Variants in DAB1 observed in about 807,000 individuals in gnomAD.
The protein encoded by DAB1 is DAB adaptor protein 1.
DAB1 carries 15 observed loss-of-function variants against 64.6 expected under a neutral mutation model. The ratio of observed to expected loss-of-function variants is 0.23; its 90% confidence interval spans 0.16 to 0.36. The LOEUF is 0.36. Among genes scored for constraint, DAB1 ranks in the 10% least tolerant of loss-of-function variants. DAB1 has a pLI of 1.00. For missense variants in DAB1, 596 were observed against 706.7 expected, an observed-to-expected ratio of 0.84 and a Z score of 1.78; for synonymous variants, 235 against 251.9, an observed-to-expected ratio of 0.93 and a Z score of 0.64.
chr1:57,224,360 C>T (rs1667104266), intron 2 of DAB1, among the ~76,000 whole-genome samples: 1 of 152,178 alleles, frequency 6.6e-6, no homozygotes, highest in South Asian at 2.1e-4. Context: ...TATGGCCATC[C>T]TTGACTGTAG....
exon 3 of DAB1, chr1:58,506,177 A>G: frequency 2.3e-6 from 2 of 872,160 alleles, no homozygotes; most frequent in Non-Finnish European, 2.0e-6. Context: ...TTTGCTGCCA[A>G]AACACTGAAC....
At chr1:57,651,519 G>A (rs1646255963) in intron 6 of DAB1, among the ~76,000 whole-genome samples, 2 of 152,106 alleles carry the variant, frequency 1.3e-5, no homozygotes, top group African/African-American at 4.8e-5. Flanking sequence ...ATATTTTTCT[G>A]GAGGTAGACC....
chr1:57,979,827 C>T (rs1011221223), intron 5 of DAB1, among the ~76,000 whole-genome samples: 1 of 152,204 alleles, frequency 6.6e-6, no homozygotes, highest in African/African-American at 2.4e-5. Context: ...TTTGATTCCC[C>T]TAATTCCTTC....
chr1:57,268,486 C>T (rs1670751532), intron 2 of DAB1, among the ~76,000 whole-genome samples: 1 of 152,166 alleles, frequency 6.6e-6, no homozygotes, highest in Non-Finnish European at 1.5e-5. Context: ...AGTCTCAATT[C>T]ATCCAACCCA....
intron 2 of DAB1, among the ~76,000 whole-genome samples, chr1:57,233,252 A>ATTTTTTTT (rs1667824189): frequency 3.5e-5 from 2 of 56,886 alleles, no homozygotes; most frequent in Non-Finnish European, 7.2e-5. Context: ...CTTTGCTCCG[A>ATTTTTTTT]TTCTTTTTTT....
chr1:57,561,680 G>A (rs1645053990), intron 7 of DAB1, among the ~76,000 whole-genome samples: 1 of 152,142 alleles, frequency 6.6e-6, no homozygotes, highest in Non-Finnish European at 1.5e-5. Flanking sequence ...TCACACCAAG[G>A]GACAATGAAC....
At chr1:57,026,236 T>C (rs1646782778) in intron 9 of DAB1, among the ~76,000 whole-genome samples, 193 bp from the exon 10 acceptor site, 1 of 152,212 alleles carries the variant, frequency 6.6e-6, no homozygotes. Context: ...GAATCAATTC[T>C]TGCTTCCTTG....
At chr1:58,041,171 T>C (rs139595874) in intron 5 of DAB1, among the ~76,000 whole-genome samples, 1,790 of 152,344 alleles carry the variant, frequency 0.012, 19 homozygotes, top group Non-Finnish European at 0.019. Context: ...AAAGTCTTCC[T>C]ATTGAGCAGA....
chr1:57,840,237 G>T (rs1652988985), intron 1 of DAB1, among the ~76,000 whole-genome samples: 1 of 152,156 alleles, frequency 6.6e-6, no homozygotes. Context: ...AACAATTAAG[G>T]TATATCTAAT....
In DAB1 at chr1:57,256,783, G is replaced by A. The variant is rs187353546; in HGVS notation, c.67+34181C>T. ...GCTAGCCTGTTTCTTCCTGACATGG[G>A]ACAAGCCTTGGCTTTCTCCAGAAGC... On this transcript the variant is annotated intron_variant, in intron 2 of 14. Coordinates refer to ENST00000371236, the MANE Select transcript of DAB1 (RefSeq NM_001365792.1). Among the ~76,000 whole-genome samples the A allele has an allele frequency of 1.2e-4, 19 of 152,174 alleles. No individual in the cohort carries two copies. In the East Asian group the frequency reaches 3.7e-3, roughly 30 times the overall value.
intron 6 of DAB1, among the ~76,000 whole-genome samples, chr1:57,745,228 T>C (rs528101900): frequency 6.6e-6 from 1 of 152,242 alleles, no homozygotes; most frequent in East Asian, 1.9e-4. Flanking sequence ...AAGTGTGGCG[T>C]TGGTGCTCTA....
intron 7 of DAB1, among the ~76,000 whole-genome samples, chr1:57,533,348 C>T (rs1031234111): frequency 6.6e-6 from 1 of 151,476 alleles, no homozygotes; most frequent in South Asian, 2.1e-4. Context: ...GCTCCTACAA[C>T]ACCTGGCATA....
At chr1:57,324,120 C>A (rs1675959970) in intron 1 of DAB1, among the ~76,000 whole-genome samples, 1 of 152,158 alleles carries the variant, frequency 6.6e-6, no homozygotes, top group Non-Finnish European at 1.5e-5. Context: ...TTAATACAAT[C>A]CATTTTTATG....
chr1:57,422,045 TG>T (rs1235223535), intron 1 of DAB1, among the ~76,000 whole-genome samples: 2 of 151,360 alleles, frequency 1.3e-5, no homozygotes, highest in African/African-American at 4.9e-5. Flanking sequence ...ATTCAAGGGG[TG>T]GGGATGGTTT....
At chr1:57,885,146 A>G (rs779176028), upstream of DAB1, among the ~76,000 whole-genome samples, 1 of 152,252 alleles carries the variant, frequency 6.6e-6, no homozygotes, top group African/African-American at 2.4e-5. Flanking sequence ...TAGATGTTAG[A>G]TTATAAGCCA....
At chr1:58,125,116 T>A (rs1652983962) in intron 5 of DAB1, among the ~76,000 whole-genome samples, 2 of 152,168 alleles carry the variant, frequency 1.3e-5, no homozygotes, top group African/African-American at 4.8e-5. Context: ...TACTAGGGGC[T>A]TGCATTGCAT....
chr1:57,975,013 T>C (rs1452666816), intron 5 of DAB1, among the ~76,000 whole-genome samples: 2 of 152,242 alleles, frequency 1.3e-5, no homozygotes, highest in Non-Finnish European at 2.9e-5. Context: ...ATGTTTGTAT[T>C]CCCCTCAAAT....
At chr1:57,889,894 T>TGGGGGGGGG (rs1259975929) in intron 5 of DAB1, among the ~76,000 whole-genome samples, 2 of 8,018 alleles carry the variant, frequency 2.5e-4, no homozygotes, top group African/African-American at 5.0e-4. Flanking sequence ...TAGCACAAAC[T>TGGGGGGGGG]GGGGCGGGGG....
chr1:57,478,634 C>T (rs1172927445), intron 7 of DAB1, among the ~76,000 whole-genome samples: 2 of 145,478 alleles, frequency 1.4e-5, no homozygotes, highest in African/African-American at 5.1e-5. Flanking sequence ...ACTCTGTCAC[C>T]CAGGCTGAGG....
Sources: allele counts gnomAD v4.1 joint callset (sites outside exome capture counted in the v4.1 genomes callset), GRCh38; gene constraint gnomAD v4.1.1; transcripts MANE v1.5; gene names NCBI Gene and HGNC (gene_info 2026-07-23, HGNC 2026-07-21).